Variants in LARP1B observed in about 807,000 individuals in gnomAD.
LARP1B encodes the protein La ribonucleoprotein 1B.
A neutral mutation model predicts 114.2 loss-of-function variants in LARP1B; 76 were observed. That is an observed-to-expected ratio of 0.67 (90% CI 0.55 to 0.81). The LOEUF is 0.81. Among genes scored for constraint, LARP1B ranks in the 30% least tolerant of loss-of-function variants. LARP1B has a pLI of 0.00. For missense variants in LARP1B, 1,014 were observed against 1,075.8 expected (o/e 0.94, Z 0.80); for synonymous variants, 345 against 348.0 (o/e 0.99, Z 0.10).
At chr4:128,212,912 C>CTTTTTT (rs1174891101), downstream of LARP1B, among the ~76,000 whole-genome samples, 82 of 83,740 alleles carry the variant, frequency 9.8e-4, no homozygotes, top group Non-Finnish European at 1.3e-3. Flanking sequence ...AAATCTCTCT[C>CTTTTTT]TTTTTTTTTT....
intron 8 of LARP1B, 112 bp downstream of exon 8, chr4:128,098,442 C>A: frequency 1.3e-6 from 1 of 775,826 alleles, no homozygotes; most frequent in Non-Finnish European, 2.0e-6. Context: ...TTGCTTGAGG[C>A]TCAGACAGCA....
Position 128,077,972 on chromosome 4 carries a change from T to C in LARP1B, c.217+10T>C. Reference sequence around the variant, plus strand: ...AATCAACGTAAGAGAGGTCAGTTTGTCCATATCTTTATTTTGATTTTAGTT... The same window carrying C: ...AATCAACGTAAGAGAGGTCAGTTTGCCCATATCTTTATTTTGATTTTAGTT... On this transcript the variant is annotated intron_variant, in intron 4 of 19. Coordinates refer to ENST00000326639, the MANE Select transcript of LARP1B (RefSeq NM_018078.4). 1.3e-6 allele frequency: 2 copies of C among 1,502,728 alleles called. No individual in the cohort carries two copies. Among genetic ancestry groups the C allele is most frequent in the South Asian group, 1.4e-5 (1 of 71,462 alleles). The allele number at this position is 1,502,728 out of a possible 1,614,324, so 93.1% of individuals were successfully genotyped here. A position where few individuals can be genotyped will look rare whatever the true frequency, so the allele number is the denominator to read the frequency against.
rs186659612 is a variant in LARP1B at position 128,162,089 on chromosome 4, T to C, written c.1525-105T>C. The C allele has an allele frequency of 4.1e-6, 4 of 975,760 alleles. No individual in the cohort carries two copies. In the Admixed American group the frequency reaches 1.0e-4, roughly 25 times the overall value. 60.4% of individuals were successfully genotyped at this position (975,760 alleles called of 1,614,324 possible). On this transcript the variant is annotated intron_variant, in intron 11 of 19. Coordinates refer to ENST00000326639, the MANE Select transcript of LARP1B (RefSeq NM_018078.4). ...AACGTCTTTTTCACTCCATTGTAAT[T>C]AATCCCTGTTTTAGAAGTTCATTTT...
At chr4:128,156,173 C>T (rs1490137785) in intron 11 of LARP1B, 1 of 1,610,178 alleles carries the variant, frequency 6.2e-7, no homozygotes. Flanking sequence ...TCCTCTGACC[C>T]CCTTGGCTCT....
chr4:128,105,431 T>G (rs943045404), intron 8 of LARP1B, among the ~76,000 whole-genome samples: 1 of 152,174 alleles, frequency 6.6e-6, no homozygotes, highest in Non-Finnish European at 1.5e-5. Flanking sequence ...TGCTTCTAGG[T>G]CTTTCAGTGG....
chr4:128,207,445 T>A, intron 19 of LARP1B, 62 bp downstream of exon 19: 1 of 1,165,702 alleles, frequency 8.6e-7, no homozygotes, highest in Non-Finnish European at 1.2e-6. Flanking sequence ...CTCTTATCAG[T>A]GACTTTTTAA....
intron 15 of LARP1B, among the ~76,000 whole-genome samples, chr4:128,196,620 A>G (rs993242160): frequency 2.0e-5 from 3 of 151,358 alleles, no homozygotes; most frequent in African/African-American, 7.3e-5. Flanking sequence ...TCGGACACGG[A>G]GTCTCACTCT....
chr4:128,087,726 A>C (rs1214415213), intron 5 of LARP1B, among the ~76,000 whole-genome samples: 1 of 152,152 alleles, frequency 6.6e-6, no homozygotes, highest in African/African-American at 2.4e-5. Flanking sequence ...TAAATTATAA[A>C]ACTTTAGCTA....
At chr4:128,189,082 G>C (rs942088274) in intron 15 of LARP1B, among the ~76,000 whole-genome samples, 92 of 152,052 alleles carry the variant, frequency 6.1e-4, no homozygotes, top group African/African-American at 2.2e-3. Context: ...CCATTATTGA[G>C]AGATGGGTGT....
chr4:128,066,844 A>G (rs1763129890), intron 1 of LARP1B, among the ~76,000 whole-genome samples: 1 of 145,364 alleles, frequency 6.9e-6, no homozygotes, highest in African/African-American at 2.6e-5. Flanking sequence ...TCACCCAGGC[A>G]GGAGTGCAAT....
At chr4:128,061,541 C>G (rs1229003834) in intron 1 of LARP1B, 140 bp downstream of exon 1, 14 of 336,690 alleles carry the variant, frequency 4.2e-5, no homozygotes, top group Admixed American at 6.5e-5. Context: ...CGCTGCGCGG[C>G]CTCGGCGGGC....
At chr4:128,089,439 GATTCTC>G (rs1774979916) in intron 5 of LARP1B, among the ~76,000 whole-genome samples, 1 of 150,238 alleles carries the variant, frequency 6.7e-6, no homozygotes, top group Non-Finnish European at 1.5e-5. Flanking sequence ...AGGTTCAGGT[GATTCTC>G]CTGCCCTAGC....
At chr4:128,107,063 A>G (rs970848309) in intron 8 of LARP1B, 76 bp from the exon 9 acceptor site, 7 of 1,288,218 alleles carry the variant, frequency 5.4e-6, no homozygotes, top group South Asian at 4.3e-5. Context: ...CAGGTTTTCA[A>G]ATTTTTAGGT....
In LARP1B at chr4:128,210,017, G is replaced by A. The variant is rs749733634; in HGVS notation, c.2709G>A (p.Arg903=). The change falls in exon 20 of 20, where the codon AGG becomes AGA. Residue 903 remains arginine, a synonymous_variant. Transcript: ENST00000326639. ...AGGTACCAATAAACTCTCCCAGAAG[G>A]AATATTTCACCGGAGTCCAGTGACA... ...ELQVPINSPR[R]NISPESSDNS... 1 of 1,614,038 alleles carries A rather than the reference G, an allele frequency of 6.2e-7. No individual in the cohort carries two copies. The highest frequency in any genetic ancestry group is 8.5e-7 in the Non-Finnish European group (1 of 1,179,974).
chr4:128,081,321 T>C, intron 4 of LARP1B, among the ~76,000 whole-genome samples: 1 of 151,124 alleles, frequency 6.6e-6, no homozygotes, highest in South Asian at 2.1e-4. Context: ...TTAGGTTATC[T>C]GCCCGCTTCA....
intron 9 of LARP1B, chr4:128,108,290 G>C: frequency 9.6e-7 from 1 of 1,038,920 alleles, no homozygotes; most frequent in Non-Finnish European, 1.2e-6. Flanking sequence ...CAGAAAAAGA[G>C]GGGATTGAGT....
At chr4:128,076,938 G>A (rs1210717680) in intron 3 of LARP1B, among the ~76,000 whole-genome samples, 1 of 151,962 alleles carries the variant, frequency 6.6e-6, no homozygotes, top group Non-Finnish European at 1.5e-5. Flanking sequence ...ATGTGCCCAG[G>A]CTGGTCTCAA....
intron 5 of LARP1B, among the ~76,000 whole-genome samples, chr4:128,090,018 C>T (rs1000583906): frequency 6.6e-6 from 1 of 151,046 alleles, no homozygotes; most frequent in Non-Finnish European, 1.5e-5. Flanking sequence ...AGCAATTTGC[C>T]TGTCTCAGCC....
intron 11 of LARP1B, among the ~76,000 whole-genome samples, chr4:128,143,051 C>T (rs977715427): frequency 2.0e-5 from 3 of 151,876 alleles, no homozygotes; most frequent in Non-Finnish European, 4.4e-5. Flanking sequence ...CTTTGGGAGG[C>T]CGAGGCAGGC....
Sources: gnomAD v4.1 joint callset for allele counts (sites outside exome capture counted in the v4.1 genomes callset) on GRCh38, gnomAD v4.1.1 for gene constraint, MANE v1.5 for transcripts, NCBI Gene and HGNC (gene_info 2026-07-23, HGNC 2026-07-21) for gene names.